The following GRXCR1 variants were observed in gnomAD, a reference collection of about 807,000 sequenced individuals.
The protein encoded by GRXCR1 is glutaredoxin and cysteine rich domain containing 1, also known as glutaredoxin domain-containing cysteine-rich protein 1.
In GRXCR1, 27 loss-of-function variants were observed where a neutral mutation model predicts 27.3. That is an observed-to-expected ratio of 0.99 (90% CI 0.73 to 1.37). The LOEUF (loss-of-function observed/expected upper bound fraction) is 1.37. Ranked by LOEUF, GRXCR1 falls within the 40% of genes most tolerant of loss-of-function variation. The probability of loss-of-function intolerance (pLI) is 0.00; values close to 1 mark genes in which losing one functional copy is unlikely to be tolerated. For missense variants in GRXCR1, 379 were observed against 354.4 expected, an observed-to-expected ratio of 1.07 and a Z score of -0.56; for synonymous variants, 122 against 131.1, an observed-to-expected ratio of 0.93 and a Z score of 0.47.
At chr4:42,925,927 G>C (rs1309815532) in intron 1 of GRXCR1, among the ~76,000 whole-genome samples, 1 of 151,932 alleles carries the variant, frequency 6.6e-6, no homozygotes, top group Non-Finnish European at 1.5e-5. Flanking sequence ...GTTTGGGTGG[G>C]GGAAGTTCAG....
intron 1 of GRXCR1, among the ~76,000 whole-genome samples, chr4:42,956,285 C>T (rs1049492287): frequency 7.2e-5 from 11 of 152,206 alleles, no homozygotes; most frequent in South Asian, 6.2e-4. Context: ...ACCCCAAAGG[C>T]TTCTCAGTGC....
intron 1 of GRXCR1, among the ~76,000 whole-genome samples, chr4:42,923,439 A>G (rs1747068867): frequency 6.6e-6 from 1 of 152,102 alleles, no homozygotes; most frequent in African/African-American, 2.4e-5. Context: ...ATGCAAACAA[A>G]ATATATCTTC....
intron 1 of GRXCR1, among the ~76,000 whole-genome samples, chr4:42,904,994 C>A (rs572289098): frequency 3.3e-5 from 5 of 152,132 alleles, no homozygotes; most frequent in Non-Finnish European, 7.3e-5. Flanking sequence ...TGGGCCACTC[C>A]GTAAAAGGCA....
At chr4:43,013,157 A>G (rs1366917901) in intron 2 of GRXCR1, among the ~76,000 whole-genome samples, 5 of 152,220 alleles carry the variant, frequency 3.3e-5, no homozygotes, top group African/African-American at 1.2e-4. Flanking sequence ...TATTCCTATT[A>G]TTGGGTATGT....
chr4:42,933,213 A>G (rs1560654656), intron 1 of GRXCR1, among the ~76,000 whole-genome samples: 1 of 151,962 alleles, frequency 6.6e-6, no homozygotes, highest in Non-Finnish European at 1.5e-5. Context: ...CCACCTCTTT[A>G]TGCCTGGCTA....
chr4:42,940,439 T>C (rs900629561), intron 1 of GRXCR1, among the ~76,000 whole-genome samples: 3 of 152,098 alleles, frequency 2.0e-5, no homozygotes, highest in African/African-American at 7.2e-5. Flanking sequence ...CAGTATTGTC[T>C]AGTTTTATCT....
chr4:42,990,085 C>A (rs1711913557), intron 2 of GRXCR1, among the ~76,000 whole-genome samples: 1 of 139,594 alleles, frequency 7.2e-6, no homozygotes, highest in Admixed American at 7.1e-5. Context: ...GGAATCAATT[C>A]TGTTTTGGTC....
intron 1 of GRXCR1, among the ~76,000 whole-genome samples, chr4:42,903,693 G>A (rs1050591935): frequency 3.4e-5 from 5 of 146,784 alleles, no homozygotes; most frequent in African/African-American, 5.0e-5. Context: ...CTAAATTTGC[G>A]CTTGCTTCAG....
chr4:42,913,567 A>G (rs1746812434), intron 1 of GRXCR1, among the ~76,000 whole-genome samples: 1 of 152,336 alleles, frequency 6.6e-6, no homozygotes, highest in Non-Finnish European at 1.5e-5. Context: ...TTGGAGCATG[A>G]AAGTTTAGAA....
At chr4:43,017,268 C>T (rs1712958498) in intron 2 of GRXCR1, among the ~76,000 whole-genome samples, 1 of 152,044 alleles carries the variant, frequency 6.6e-6, no homozygotes, top group Non-Finnish European at 1.5e-5. Context: ...TCTCATATAC[C>T]CCAGACTAGG....
chr4:42,931,065 T>G (rs553278247), intron 1 of GRXCR1, among the ~76,000 whole-genome samples: 2 of 151,926 alleles, frequency 1.3e-5, no homozygotes, highest in Non-Finnish European at 2.9e-5. Context: ...AAAGCTTTTT[T>G]TTTTCCCTTT....
chr4:42,960,071 T>C (rs1299331177), intron 1 of GRXCR1, among the ~76,000 whole-genome samples: 1 of 151,976 alleles, frequency 6.6e-6, no homozygotes, highest in Non-Finnish European at 1.5e-5. Flanking sequence ...AAAATGCATG[T>C]GTCTTAGAGA....
intron 1 of GRXCR1, among the ~76,000 whole-genome samples, chr4:42,961,977 T>C (rs906070948): frequency 6.6e-6 from 1 of 151,958 alleles, no homozygotes; most frequent in African/African-American, 2.4e-5. Context: ...CATGGTCTCA[T>C]GGTATAGTTG....
chr4:42,933,693 C>T (rs1226802294), intron 1 of GRXCR1, among the ~76,000 whole-genome samples: 1 of 151,912 alleles, frequency 6.6e-6, no homozygotes, highest in Non-Finnish European at 1.5e-5. Flanking sequence ...AGCACAGAGA[C>T]TCCCTTTCAC....
chr4:42,984,997 A>T (rs1711661000), intron 2 of GRXCR1, among the ~76,000 whole-genome samples: 1 of 152,168 alleles, frequency 6.6e-6, no homozygotes, highest in African/African-American at 2.4e-5. Flanking sequence ...GCAAAGTCTT[A>T]TGATCACTTC....
intron 1 of GRXCR1, among the ~76,000 whole-genome samples, chr4:42,936,878 T>C (rs1253475393): frequency 1.3e-5 from 2 of 151,972 alleles, no homozygotes; most frequent in Non-Finnish European, 2.9e-5. Flanking sequence ...GTACATGCTA[T>C]CAACATGACT....
chr4:43,014,763 A>G (rs886365462), intron 2 of GRXCR1, among the ~76,000 whole-genome samples: 1 of 152,150 alleles, frequency 6.6e-6, no homozygotes, highest in African/African-American at 2.4e-5. Context: ...ATCAATCACT[A>G]AAAGAAACAC....
intron 1 of GRXCR1, among the ~76,000 whole-genome samples, chr4:42,935,602 T>C (rs1747437062): frequency 6.6e-6 from 1 of 151,800 alleles, no homozygotes; most frequent in Non-Finnish European, 1.5e-5. Flanking sequence ...GATCCAGATA[T>C]ACAAAGAAGC....
intron 1 of GRXCR1, among the ~76,000 whole-genome samples, chr4:42,897,018 A>C (rs952058351): frequency 6.6e-6 from 1 of 152,092 alleles, no homozygotes; most frequent in Non-Finnish European, 1.5e-5. Context: ...TGCTCTTAGA[A>C]TATCTCTATC....
Sources: gnomAD v4.1 joint callset for allele counts (sites outside exome capture counted in the v4.1 genomes callset) on GRCh38, gnomAD v4.1.1 for gene constraint, MANE v1.5 for transcripts, NCBI Gene and HGNC (gene_info 2026-07-23, HGNC 2026-07-21) for gene names.